Variants in TONSL observed in about 807,000 individuals in gnomAD.
TONSL encodes the protein tonsoku like, DNA repair protein.
TONSL carries 112 observed loss-of-function variants against 147.1 expected under a neutral mutation model. The observed-to-expected ratio is 0.76, with a 90% CI of 0.65 to 0.89. The LOEUF is 0.89. Among genes scored for constraint, TONSL ranks in the 40% least tolerant of loss-of-function variants. TONSL has a pLI of 0.00. For synonymous variants in TONSL, 868 were observed against 801.5 expected (o/e 1.08, Z -1.40); for missense variants, 1,883 against 1,864.6 (o/e 1.01, Z -0.18).
chr8:144,438,375 T>A, intron 13 of TONSL, 96 bp downstream of exon 13: 6 of 1,343,340 alleles, frequency 4.5e-6, no homozygotes, highest in Non-Finnish European at 6.2e-6. Flanking sequence ...ATTTTGAAGA[T>A]GAGGAAGTTG....
rs1267411886 is a variant in TONSL, at chr8:144,440,657, C to T, written c.1164+61G>A. On this transcript the variant is annotated intron_variant, in intron 9 of 25. Coordinates refer to ENST00000409379, the MANE Select transcript of TONSL (RefSeq NM_013432.5). ...CACCTGTCCATGGCCACCCTGAGAA[C>T]GGCAGTCCTGAGGCAGAGACATGGG... 16 of 1,569,458 alleles carry T rather than the reference C, an allele frequency of 1.0e-5. No individual in the cohort carries two copies. In the East Asian group the frequency reaches 1.1e-4, roughly 11 times the overall value.
At chr8:144,432,195 G>T (rs1019995121) in intron 23 of TONSL, 90 bp downstream of exon 23, 2 of 1,416,982 alleles carry the variant, frequency 1.4e-6, no homozygotes, top group South Asian at 1.3e-5. Context: ...AGTTCAGCCC[G>T]AATCTGGGGA....
chr8:144,430,926 C>G (rs1554878515), intron 24 of TONSL, 152 bp downstream of exon 24: 2 of 873,868 alleles, frequency 2.3e-6, no homozygotes, highest in Non-Finnish European at 3.6e-6. Flanking sequence ...CCTTCCAGGG[C>G]AGCCTGAGAG....
At chr8:144,431,247 G>C in intron 23 of TONSL, 96 bp from the exon 24 acceptor site, 1 of 1,152,338 alleles carries the variant, frequency 8.7e-7, no homozygotes, top group Non-Finnish European at 1.3e-6. Context: ...GCCCAGAAGG[G>C]AGCAGAGTCC....
intron 13 of TONSL, chr8:144,438,134 C>T (rs1823549434): frequency 2.8e-6 from 1 of 362,912 alleles, no homozygotes; most frequent in Non-Finnish European, 5.1e-6. Flanking sequence ...CTCCTGGGCT[C>T]ATGTGATCTG....
intron 24 of TONSL, 141 bp downstream of exon 24, chr8:144,430,937 G>T: frequency 1.0e-6 from 1 of 960,262 alleles, no homozygotes; most frequent in Non-Finnish European, 1.6e-6. Context: ...AGCCTGAGAG[G>T]CTGGTGGAAA....
At position 144,435,813 on chromosome 8, in the gene TONSL, C is replaced by A. The variant is rs1470690165; in HGVS notation, c.2620G>T (p.Ala874Ser). ...GSDSEESRPR[A>S]RAKQVRLTCM... is the part of the protein sequence containing the mutation. Reference sequence around the variant, plus strand: ...GTCAGGCGGACCTGCTTGGCTCGGGCACGGGGCCTGCTCTCCTCACTGTCC... The same window carrying A: ...GTCAGGCGGACCTGCTTGGCTCGGGAACGGGGCCTGCTCTCCTCACTGTCC... Residue 874 changes from alanine (A) to serine (S), a missense_variant, in exon 17 of 26, where the codon GCC becomes TCC. Coordinates refer to ENST00000409379, the MANE Select transcript of TONSL (RefSeq NM_013432.5). The A allele has an allele frequency of 5.0e-6, 8 of 1,612,584 alleles. No homozygotes were observed. The South Asian group carries it at 8.8e-5, about 18-fold the overall frequency.
chr8:144,441,277 AG>A (rs879866372), intron 7 of TONSL, 166 bp from the exon 8 acceptor site: 80 of 1,015,304 alleles, frequency 7.9e-5, no homozygotes, highest in Non-Finnish European at 1.1e-4. Flanking sequence ...ACTGGTCTCA[AG>A]GGTCACAAGA....
intron 23 of TONSL, 86 bp from the exon 24 acceptor site, chr8:144,431,237 G>T: frequency 7.6e-7 from 1 of 1,316,884 alleles, no homozygotes; most frequent in Non-Finnish European, 1.1e-6. Flanking sequence ...ACACCCAGGG[G>T]CCCAGAAGGG....
intron 25 of TONSL, 50 bp downstream of exon 25, chr8:144,430,354 T>A: frequency 6.7e-7 from 1 of 1,500,266 alleles, no homozygotes; most frequent in African/African-American, 1.4e-5. Flanking sequence ...CTCAGGCAGG[T>A]CCCTGAAAAG....
intron 22 of TONSL, chr8:144,433,284 G>C (rs1823293577): frequency 7.4e-6 from 2 of 271,440 alleles, no homozygotes; most frequent in Admixed American, 4.9e-5. Context: ...CACCGTGTTA[G>C]CCAGGATGGT....
intron 25 of TONSL, 130 bp downstream of exon 25, chr8:144,430,264 CTGCTGCCCCA>C: frequency 9.3e-7 from 1 of 1,073,924 alleles, no homozygotes; most frequent in South Asian, 1.8e-5. Context: ...ACTCTGCCCC[CTGCTGCCCCA>C]GCCTCATGGA....
intron 25 of TONSL, 69 bp downstream of exon 25, chr8:144,430,335 C>A (rs1279904377): frequency 1.4e-6 from 2 of 1,447,204 alleles, no homozygotes; most frequent in Non-Finnish European, 1.8e-6. Flanking sequence ...TAGGAGGAGG[C>A]ACCTGGGTCT....
rs1823596320 is a variant in TONSL at position 144,439,037 on chromosome 8, C to T, written c.1481-302G>A. Among the ~76,000 whole-genome samples the T allele has an allele frequency of 6.6e-5, 10 of 152,116 alleles. 1 individual carries two copies. The South Asian group carries it at 1.9e-3, about 28-fold the overall frequency. ...CCACAGAAGGCCTGCCCGAGGCCCC[C>T]TCTGTCCATGCGCCAGCCACTCATC... On this transcript the variant is annotated intron_variant, in intron 11 of 25. Transcript: ENST00000409379.
rs942430412 is a variant in TONSL, at chr8:144,444,162, C to T, written c.121+18G>A. 25 of 1,421,966 alleles carry T rather than the reference C, an allele frequency of 1.8e-5. No homozygotes were observed. The highest frequency in any genetic ancestry group is 2.2e-5 in the Non-Finnish European group (24 of 1,089,224). 88.1% of individuals were successfully genotyped at this position (1,421,966 alleles called of 1,614,324 possible). A position where few individuals can be genotyped will look rare whatever the true frequency, so the allele number is the denominator to read the frequency against. On this transcript the variant is annotated intron_variant, in intron 2 of 25. Transcript: ENST00000409379. ...CGGGCCCCGGCCCTGCCTCCCGCCT[C>T]CTGGTCCCGGCGCTCACCATGGCCG...
chr8:144,433,915 G>A (rs1823325303), intron 21 of TONSL, 63 bp downstream of exon 21: 1 of 1,498,396 alleles, frequency 6.7e-7, no homozygotes, highest in African/African-American at 1.4e-5. Context: ...ACCACCCAGG[G>A]ACCTGCAGAA....
rs1389104009 is a variant in TONSL, at chr8:144,436,064, G to A, written c.2369C>T (p.Ala790Val). 6.4e-7 allele frequency: 1 copy of A among 1,572,738 alleles called. No individual in the cohort carries two copies. Among genetic ancestry groups the A allele is most frequent in the Non-Finnish European group, 8.6e-7 (1 of 1,166,248 alleles). ...REAATASTSR[A>V]AYQAAIRGVG... The stretch of plus-strand genomic sequence containing the variant: ...ACCCCGGATGGCTGCCTGGTAGGCT[G>A]CCCGGCTGGTGCTGGCTGTGGCTGC... Residue 790 changes from alanine (A) to valine (V), a missense_variant, in exon 17 of 26, where the codon GCA (alanine) becomes GTA (valine). Physicochemically the swap from Ala to Val is moderately conservative, Grantham distance 64. Coordinates refer to ENST00000409379, the MANE Select transcript of TONSL (RefSeq NM_013432.5).
intron 24 of TONSL, 67 bp downstream of exon 24, chr8:144,431,011 C>G: frequency 6.4e-7 from 1 of 1,556,218 alleles, no homozygotes. Context: ...TGTGGCCCTT[C>G]TCCCATAGGG....
rs755884249 is a variant in TONSL, at chr8:144,437,038, T to C, written c.1715A>G (p.Tyr572Cys). 1.9e-6 allele frequency: 3 copies of C among 1,613,346 alleles called. No individual in the cohort carries two copies. Among genetic ancestry groups the C allele is most frequent in the Admixed American group, 3.3e-5 (2 of 60,014 alleles). Residue 572 changes from tyrosine (Y) to cysteine (C), a missense_variant, in exon 14 of 26, where the codon TAC (tyrosine) becomes TGC (cysteine). Tyr to Cys is a radical substitution (Grantham distance 194). Transcript: ENST00000409379. The part of the protein sequence containing the change: ...GWTPLHEACN[Y>C]GHLEIVRFLL... ...TGTCCCTTGCTCACCTAGATGCCCGTAGTTGCAGGCCTCGTGCAGAGGTGT... is the reference window on the plus strand; with the variant it reads ...TGTCCCTTGCTCACCTAGATGCCCGCAGTTGCAGGCCTCGTGCAGAGGTGT...
Sources: allele counts gnomAD v4.1 joint callset (sites outside exome capture counted in the v4.1 genomes callset), GRCh38; gene constraint gnomAD v4.1.1; transcripts MANE v1.5; gene names NCBI Gene and HGNC (gene_info 2026-07-23, HGNC 2026-07-21).